Variants in SLC17A7 observed in about 807,000 individuals in gnomAD.
SLC17A7 encodes vesicular glutamate transporter 1.
In SLC17A7, 15 loss-of-function variants were observed where a neutral mutation model predicts 59.1. The ratio of observed to expected loss-of-function variants is 0.25; its 90% confidence interval spans 0.17 to 0.39. The LOEUF (loss-of-function observed/expected upper bound fraction) is 0.39, where lower values mean the gene tolerates loss of function less well. Among genes scored for constraint, SLC17A7 ranks in the 10% least tolerant of loss-of-function variants. The pLI is 1.00. For missense variants in SLC17A7, 499 were observed against 765.1 expected, an observed-to-expected ratio of 0.65 and a Z score of 4.10; for synonymous variants, 353 against 308.9, an observed-to-expected ratio of 1.14 and a Z score of -1.50.
rs2078966831 is a variant in SLC17A7, at chr19:49,433,018, G to T, written c.868-58C>A. 9 of 1,518,452 alleles carry T rather than the reference G, an allele frequency of 5.9e-6. No individual in the cohort carries two copies. Among genetic ancestry groups the T allele is most frequent in the Non-Finnish European group, 8.1e-6 (9 of 1,113,340 alleles). 94.1% of individuals were successfully genotyped at this position (1,518,452 alleles called of 1,614,324 possible). On this transcript the variant is annotated intron_variant, in intron 7 of 11. Coordinates refer to ENST00000221485, the MANE Select transcript of SLC17A7 (RefSeq NM_020309.4). The surrounding 1 kb of genome is among the most constrained non-coding windows in gnomAD (Gnocchi z 5.7). Reference sequence around the variant, plus strand: ...GGAGCGGGGCTGAGGGCTTCTCCGCGTCCCTTCAGGGACCACAGTGTAGTT... The same window carrying T: ...GGAGCGGGGCTGAGGGCTTCTCCGCTTCCCTTCAGGGACCACAGTGTAGTT...
Position 49,441,393 on chromosome 19 carries a change from GC to G in SLC17A7, c.-15del, listed in dbSNP as rs756824175. The G allele has an allele frequency of 5.9e-6, 9 of 1,532,846 alleles. No individual in the cohort carries two copies. In the Admixed American group the frequency reaches 1.2e-4, roughly 20 times the overall value. 95.0% of individuals were successfully genotyped at this position (1,532,846 alleles called of 1,614,324 possible). A position where few individuals can be genotyped will look rare whatever the true frequency, so the allele number is the denominator to read the frequency against. ...GCGGAACTCCATGGTGGCGGCTCCTGCCGCCGGTCACCCCGCGGGTCCCCCC... is the reference window on the plus strand; with the variant it reads ...GCGGAACTCCATGGTGGCGGCTCCTGCGCCGGTCACCCCGCGGGTCCCCCC... On this transcript the variant is annotated 5_prime_UTR_variant, in exon 1 of 12. Coordinates refer to ENST00000221485, the MANE Select transcript of SLC17A7 (RefSeq NM_020309.4).
rs1226185492 is a variant in SLC17A7 at position 49,430,636 on chromosome 19, G to A, written c.1566C>T (p.Ser522=). Residue 522 remains serine (S), a synonymous_variant, in exon 12 of 12, where the codon AGC becomes AGT. Coordinates refer to ENST00000221485, the MANE Select transcript of SLC17A7 (RefSeq NM_020309.4). ...GHDQLAGSDD[S]EMEDEAEPPG... is the part of the protein sequence containing the mutation. Reference sequence around the variant, plus strand: ...GGGGCTCAGCCTCATCCTCCATTTCGCTGTCGTCACTGCCAGCCAGCTGGT... The same window carrying A: ...GGGGCTCAGCCTCATCCTCCATTTCACTGTCGTCACTGCCAGCCAGCTGGT... 8 of 1,613,934 alleles carry A rather than the reference G, an allele frequency of 5.0e-6. No homozygotes were observed. Among genetic ancestry groups the A allele is most frequent in the South Asian group, 4.4e-5 (4 of 91,080 alleles).
chr19:49,439,571 C>T (rs1371581944), intron 1 of SLC17A7, among the ~76,000 whole-genome samples: 1 of 152,214 alleles, frequency 6.6e-6, no homozygotes, highest in Non-Finnish European at 1.5e-5. Context: ...GGCTCATACT[C>T]ATCCACTGAT....
Position 49,432,637 on chromosome 19 carries a change from G to C in SLC17A7, c.1032C>G (p.Ser344=). ...GFEISKVGLV[S]ALPHLVMTII... is the part of the protein sequence containing the mutation. ...TGGTCATGACCAGGTGGGGCAGCGC[G>C]GACACCAGGCCTACCTGCGGGAACA... is the stretch of plus-strand genomic sequence containing the variant. The change falls in exon 9 of 12, where the codon TCC becomes TCG. Residue 344 remains serine (S), a synonymous_variant. Coordinates refer to ENST00000221485, the MANE Select transcript of SLC17A7 (RefSeq NM_020309.4). 6.2e-7 allele frequency: 1 copy of C among 1,611,158 alleles called. No individual in the cohort carries two copies. Among genetic ancestry groups the C allele is most frequent in the East Asian group, 2.2e-5 (1 of 44,706 alleles).
chr19:49,441,184 G>C (rs1037449545), intron 1 of SLC17A7, 134 bp downstream of exon 1: 3 of 1,496,160 alleles, frequency 2.0e-6, no homozygotes, highest in Non-Finnish European at 2.7e-6. Flanking sequence ...CGGAGCCCAC[G>C]GCAGAAAACT....
Position 49,433,020 on chromosome 19 carries a change from C to T in SLC17A7, c.868-60G>A, listed in dbSNP as rs939482511. Reference sequence around the variant, plus strand: ...AGCGGGGCTGAGGGCTTCTCCGCGTCCCTTCAGGGACCACAGTGTAGTTCT... The same window carrying T: ...AGCGGGGCTGAGGGCTTCTCCGCGTTCCTTCAGGGACCACAGTGTAGTTCT... On this transcript the variant is annotated intron_variant, in intron 7 of 11. Transcript: ENST00000221485. This position sits in a 1 kb window ranked among gnomAD's most constrained non-coding sequence, Gnocchi z 5.7. 2 of 1,519,928 alleles carry T rather than the reference C, an allele frequency of 1.3e-6. No individual in the cohort carries two copies. Among genetic ancestry groups the T allele is most frequent in the Non-Finnish European group, 1.8e-6 (2 of 1,115,152 alleles). The allele number at this position is 1,519,928 out of a possible 1,614,324, so 94.2% of individuals were successfully genotyped here. A position where few individuals can be genotyped will look rare whatever the true frequency, so the allele number is the denominator to read the frequency against.
chr19:49,433,704 C>T lies in SLC17A7; in HGVS notation c.867+22G>A, dbSNP rs1178063299. ...GGCTTGCTATCTCTCCCCGCCCCTT[C>T]CCCGAAGATTTGGTCCCGGACCGTG... On this transcript the variant is annotated intron_variant, in intron 7 of 11. Transcript: ENST00000221485. This position sits in a 1 kb window ranked among gnomAD's most constrained non-coding sequence, Gnocchi z 5.7. 1.2e-6 allele frequency: 2 copies of T among 1,614,128 alleles called. No individual in the cohort carries two copies. The highest frequency in any genetic ancestry group is 1.7e-5 in the Admixed American group (1 of 60,024).
rs1568633695 is a variant in SLC17A7, at chr19:49,431,497, G to A, written c.1151-49C>T. ...GTCTCCTGAGTGTCGGCCGGAGCAAGGCGCAGGCTGCCCCACACCGCCCTT... is the reference window on the plus strand; with the variant it reads ...GTCTCCTGAGTGTCGGCCGGAGCAAAGCGCAGGCTGCCCCACACCGCCCTT... On this transcript the variant is annotated intron_variant, in intron 9 of 11. Coordinates refer to ENST00000221485, the MANE Select transcript of SLC17A7 (RefSeq NM_020309.4). The surrounding 1 kb of genome is among the most constrained non-coding windows in gnomAD (Gnocchi z 4.6). The A allele has an allele frequency of 6.6e-7, 1 of 1,512,406 alleles. No homozygotes were observed. The highest frequency in any genetic ancestry group is 9.1e-7 in the Non-Finnish European group (1 of 1,094,836). The allele number at this position is 1,512,406 out of a possible 1,614,324, so 93.7% of individuals were successfully genotyped here.
At position 49,431,434 on chromosome 19, in the gene SLC17A7, C is replaced by T. The variant is rs1172191717; in HGVS notation, c.1165G>A (p.Ala389Thr). The T allele has an allele frequency of 6.2e-7, 1 of 1,613,852 alleles. No homozygotes were observed. Among genetic ancestry groups the T allele is most frequent in the Admixed American group, 1.7e-5 (1 of 60,004 alleles). The change falls in exon 10 of 12, where the codon GCC becomes ACC. Residue 389 changes from alanine (A) to threonine (T), a missense_variant. By Grantham distance (58) the Ala-to-Thr change is moderately conservative. Transcript: ENST00000221485. This position sits in a 1 kb window ranked among gnomAD's most constrained non-coding sequence, Gnocchi z 4.6. ...TAGCCGACCACCAACAGCAGCGTGG[C>T]TTCCATGCCGAAGCCTACGGGGGCG... The part of the protein sequence containing the change: ...LMNCGGFGME[A>T]TLLLVVGYSH...
Position 49,436,467 on chromosome 19 carries a change from T to C in SLC17A7, c.315+82A>G. The stretch of plus-strand genomic sequence containing the variant: ...GAAGGGGCGTGGCCTGGACGTCTGG[T>C]GGGTGAGTGTGACGTCATGGGGGCG... On this transcript the variant is annotated intron_variant, in intron 2 of 11. Transcript: ENST00000221485. This position sits in a 1 kb window ranked among gnomAD's most constrained non-coding sequence, Gnocchi z 4.1. 2 of 1,536,060 alleles carry C rather than the reference T, an allele frequency of 1.3e-6. No individual in the cohort carries two copies. The highest frequency in any genetic ancestry group is 2.3e-5 in the East Asian group (1 of 44,208).
intron 1 of SLC17A7, chr19:49,437,092 C>A (rs932395095): frequency 2.7e-5 from 14 of 512,020 alleles, no homozygotes; most frequent in African/African-American, 2.5e-4. Flanking sequence ...GACTTAGACC[C>A]CAGACAACCC....
At chr19:49,440,059 C>G (rs2078994491) in intron 1 of SLC17A7, among the ~76,000 whole-genome samples, 1 of 152,126 alleles carries the variant, frequency 6.6e-6, no homozygotes, top group Admixed American at 6.5e-5. Context: ...CTCAGCTTCC[C>G]CTCCACCACC....
chr19:49,437,721 C>T (rs979559109), intron 1 of SLC17A7: 18 of 149,330 alleles, frequency 1.2e-4, no homozygotes, highest in African/African-American at 4.5e-4. Flanking sequence ...GGAGCAGAGA[C>T]CCAGAGAGAG....
In SLC17A7 at chr19:49,436,786, C is replaced by A. The variant is rs1334563110; in HGVS notation, c.78G>T (p.Arg26=). Residue 26 remains arginine (R), a synonymous_variant, in exon 2 of 12, where the codon CGG becomes CGT. Coordinates refer to ENST00000221485, the MANE Select transcript of SLC17A7 (RefSeq NM_020309.4). The surrounding 1 kb of genome is among the most constrained non-coding windows in gnomAD (Gnocchi z 4.1). Reference sequence around the variant, plus strand: ...GCTCCAGCGTCTCCGCGCCTTCCTGCCGCTTCTCCAGAAGGCTGCGGGACA... The same window carrying A: ...GCTCCAGCGTCTCCGCGCCTTCCTGACGCTTCTCCAGAAGGCTGCGGGACA... ...LGKLHRLLEK[R]QEGAETLELS... is the part of the protein sequence containing the mutation. 5 of 1,602,786 alleles carry A rather than the reference C, an allele frequency of 3.1e-6. No homozygotes were observed. Among genetic ancestry groups the A allele is most frequent in the Non-Finnish European group, 3.4e-6 (4 of 1,179,716 alleles).
intron 4 of SLC17A7, 31 bp downstream of exon 4, chr19:49,434,736 CG>C (rs940150212): frequency 3.7e-6 from 6 of 1,613,974 alleles, no homozygotes; most frequent in Non-Finnish European, 5.1e-6. Context: ...AGGGTCCGAG[CG>C]AGGGCAGGGT....
chr19:49,439,944 C>T (rs1209170990), intron 1 of SLC17A7, among the ~76,000 whole-genome samples: 1 of 152,094 alleles, frequency 6.6e-6, no homozygotes, highest in Non-Finnish European at 1.5e-5. Context: ...CTCTCTCTCT[C>T]ATTCTCCTGA....
Position 49,431,931 on chromosome 19 carries a change from G to T in SLC17A7, c.1151-483C>A, listed in dbSNP as rs763396021. Among the ~76,000 whole-genome samples the T allele has an allele frequency of 6.6e-6, 1 of 152,198 alleles. No individual in the cohort carries two copies. Among genetic ancestry groups the T allele is most frequent in the South Asian group, 2.1e-4 (1 of 4,830 alleles). On this transcript the variant is annotated intron_variant, in intron 9 of 11. Coordinates refer to ENST00000221485, the MANE Select transcript of SLC17A7 (RefSeq NM_020309.4). This position sits in a 1 kb window ranked among gnomAD's most constrained non-coding sequence, Gnocchi z 4.6. Reference sequence around the variant, plus strand: ...TGGGATAACAGGGGTTAGCCACCATGCCCTGCCTGTTTTTTAATTTTTAAT... The same window carrying T: ...TGGGATAACAGGGGTTAGCCACCATTCCCTGCCTGTTTTTTAATTTTTAAT...
chr19:49,430,833 G>T (rs759824357), intron 11 of SLC17A7, 21 bp from the exon 12 acceptor site: 34 of 1,587,400 alleles, frequency 2.1e-5, no homozygotes, highest in Non-Finnish European at 1.9e-5. Flanking sequence ...CAATAGGGCT[G>T]AGGTCAAATG....
At chr19:49,435,396 C>T in intron 2 of SLC17A7, 110 bp from the exon 3 acceptor site, 1 of 723,338 alleles carries the variant, frequency 1.4e-6, no homozygotes, top group South Asian at 1.7e-5. Flanking sequence ...AGGAACCCCT[C>T]CCACCTCCAA....
Sources: allele counts gnomAD v4.1 joint callset (sites outside exome capture counted in the v4.1 genomes callset), GRCh38; gene constraint gnomAD v4.1.1; non-coding constraint Gnocchi (gnomAD v3.1); transcripts MANE v1.5; gene names NCBI Gene and HGNC (gene_info 2026-07-23, HGNC 2026-07-21).